Variants in MAP3K5 observed in about 807,000 individuals in gnomAD.
MAP3K5 encodes the protein mitogen-activated protein kinase kinase kinase 5.
Under a neutral mutation model 158.7 loss-of-function variants are expected in MAP3K5, and 56 were observed. That is an observed-to-expected ratio of 0.35 (90% CI 0.28 to 0.44). The LOEUF (loss-of-function observed/expected upper bound fraction) is 0.44, where lower values mean the gene tolerates loss of function less well. MAP3K5 is among the 20% of genes least tolerant of loss of function. MAP3K5 has a pLI of 1.00. For missense variants in MAP3K5, 1,294 were observed against 1,674.8 expected (o/e 0.77, Z 3.97); for synonymous variants, 579 against 601.7 (o/e 0.96, Z 0.55).
At chr6:136,567,402 T>C (rs1356939286) in intron 26 of MAP3K5, among the ~76,000 whole-genome samples, 1 of 152,192 alleles carries the variant, frequency 6.6e-6, no homozygotes, top group Non-Finnish European at 1.5e-5. Context: ...TTAGGGCACC[T>C]GGAGATGAAG....
At chr6:136,785,231 C>T (rs1296043883) in intron 1 of MAP3K5, among the ~76,000 whole-genome samples, 1 of 152,152 alleles carries the variant, frequency 6.6e-6, no homozygotes, top group Non-Finnish European at 1.5e-5. Context: ...TTGCTGGAAG[C>T]AAGTTGGAGC....
intron 2 of MAP3K5, among the ~76,000 whole-genome samples, chr6:136,712,091 G>A (rs1781332517): frequency 6.6e-6 from 1 of 151,528 alleles, no homozygotes; most frequent in South Asian, 2.1e-4. Context: ...CTTGGTGGAA[G>A]AACTCTGCCG....
chr6:136,600,779 T>C (rs1019845337), intron 21 of MAP3K5, among the ~76,000 whole-genome samples: 5 of 152,180 alleles, frequency 3.3e-5, no homozygotes, highest in Admixed American at 2.6e-4. Context: ...AGTCACCATC[T>C]TGCTTTTAGG....
chr6:136,760,998 G>T (rs1783726436), intron 1 of MAP3K5, among the ~76,000 whole-genome samples: 1 of 152,046 alleles, frequency 6.6e-6, no homozygotes, highest in South Asian at 2.1e-4. Flanking sequence ...CAAAAAACCA[G>T]AGAGAAGCTC....
At chr6:136,750,468 C>G (rs950523251) in intron 1 of MAP3K5, among the ~76,000 whole-genome samples, 1 of 152,182 alleles carries the variant, frequency 6.6e-6, no homozygotes, top group Non-Finnish European at 1.5e-5. Flanking sequence ...TCTTCTCATG[C>G]CAGTGAGGTG....
At chr6:136,727,279 T>C (rs1782008358) in intron 1 of MAP3K5, among the ~76,000 whole-genome samples, 1 of 152,246 alleles carries the variant, frequency 6.6e-6, no homozygotes, top group Non-Finnish European at 1.5e-5. Context: ...TAAACATATA[T>C]TCAGTACTTA....
chr6:136,664,094 C>G (rs1779126032), intron 8 of MAP3K5, among the ~76,000 whole-genome samples: 2 of 152,142 alleles, frequency 1.3e-5, no homozygotes, highest in Non-Finnish European at 2.9e-5. Context: ...GAGCAAAAAG[C>G]TTCTTCATCT....
intron 7 of MAP3K5, among the ~76,000 whole-genome samples, chr6:136,685,001 C>A (rs1171691923): frequency 6.6e-6 from 1 of 152,122 alleles, no homozygotes; most frequent in Non-Finnish European, 1.5e-5. Flanking sequence ...CAACAATATA[C>A]TGTAATTCAG....
chr6:136,671,053 C>A (rs1779461804), intron 7 of MAP3K5, among the ~76,000 whole-genome samples: 1 of 151,990 alleles, frequency 6.6e-6, no homozygotes, highest in Non-Finnish European at 1.5e-5. Context: ...TATAATGTCC[C>A]AACAAAAAAG....
At chr6:136,580,477 T>C (rs1774821418) in intron 24 of MAP3K5, 71 bp from the exon 25 acceptor site, 6 of 871,370 alleles carry the variant, frequency 6.9e-6, no homozygotes, top group Admixed American at 1.9e-5. Flanking sequence ...GAAGCACTTG[T>C]ATGAAGTTCC....
chr6:136,625,301 A>T (rs927076591), intron 14 of MAP3K5, among the ~76,000 whole-genome samples: 1 of 152,198 alleles, frequency 6.6e-6, no homozygotes, highest in African/African-American at 2.4e-5. Context: ...TTATTTACCA[A>T]GATTAAGAGT....
intron 1 of MAP3K5, among the ~76,000 whole-genome samples, chr6:136,723,162 C>G (rs1781816202): frequency 6.6e-6 from 1 of 151,390 alleles, no homozygotes; most frequent in Admixed American, 6.6e-5. Context: ...AAATACCTAT[C>G]AGTAAGAAAA....
At chr6:136,706,078 T>C (rs926831471) in intron 2 of MAP3K5, among the ~76,000 whole-genome samples, 1 of 152,004 alleles carries the variant, frequency 6.6e-6, no homozygotes, top group African/African-American at 2.4e-5. Context: ...GCCAACATGG[T>C]GAAACTCCAT....
At chr6:136,724,854 G>A (rs368370132) in intron 1 of MAP3K5, among the ~76,000 whole-genome samples, 20 of 152,036 alleles carry the variant, frequency 1.3e-4, no homozygotes, top group Middle Eastern at 3.4e-3. Flanking sequence ...TGAAAAATGC[G>A]TACATACCAC....
intron 1 of MAP3K5, among the ~76,000 whole-genome samples, chr6:136,786,221 C>T (rs543540728): frequency 2.0e-5 from 3 of 151,610 alleles, no homozygotes; most frequent in Non-Finnish European, 4.4e-5. Context: ...ACTAATAATA[C>T]AAAAAAATTA....
At chr6:136,725,116 G>A (rs1489742806) in intron 1 of MAP3K5, among the ~76,000 whole-genome samples, 1 of 152,190 alleles carries the variant, frequency 6.6e-6, no homozygotes, top group East Asian at 1.9e-4. Flanking sequence ...ACAGGTTTGA[G>A]GACATTCAGG....
intron 1 of MAP3K5, among the ~76,000 whole-genome samples, chr6:136,785,892 A>C (rs556372574): frequency 6.6e-6 from 1 of 152,300 alleles, no homozygotes; most frequent in South Asian, 2.1e-4. Context: ...TGGTTCCATA[A>C]ACTGTGTTAA....
At chr6:136,718,538 G>A (rs1354978021) in intron 2 of MAP3K5, among the ~76,000 whole-genome samples, 1 of 152,182 alleles carries the variant, frequency 6.6e-6, no homozygotes, top group South Asian at 2.1e-4. Flanking sequence ...TTGGTACCTA[G>A]CACATAGTGA....
At chr6:136,727,822 C>T (rs1782034471) in intron 1 of MAP3K5, among the ~76,000 whole-genome samples, 1 of 151,878 alleles carries the variant, frequency 6.6e-6, no homozygotes, top group Non-Finnish European at 1.5e-5. Context: ...ATTAGCCGGG[C>T]GTGGTGGCAG....
Sources: allele counts gnomAD v4.1 joint callset (sites outside exome capture counted in the v4.1 genomes callset), GRCh38; gene constraint gnomAD v4.1.1; transcripts MANE v1.5; gene names NCBI Gene and HGNC (gene_info 2026-07-23, HGNC 2026-07-21).